The following SMARCD3 variants were observed in gnomAD, a reference collection of about 807,000 sequenced individuals.
SMARCD3 encodes SWI/SNF-related matrix-associated actin-dependent regulator of chromatin subfamily D member 3.
Under a neutral mutation model 58.0 loss-of-function variants are expected in SMARCD3, and 14 were observed. The ratio of observed to expected loss-of-function variants is 0.24; its 90% confidence interval spans 0.16 to 0.38. The LOEUF (loss-of-function observed/expected upper bound fraction) is 0.38, where lower values mean the gene tolerates loss of function less well. Ranked by LOEUF, SMARCD3 falls within the 10% of genes least tolerant of loss-of-function variation. The pLI, the probability that SMARCD3 is intolerant of heterozygous loss-of-function variation, is 1.00. For missense variants in SMARCD3, 408 were observed against 636.9 expected, an observed-to-expected ratio of 0.64 and a Z score of 3.87; for synonymous variants, 253 against 253.8, an observed-to-expected ratio of 1.00 and a Z score of 0.03.
intron 2 of SMARCD3, among the ~76,000 whole-genome samples, chr7:151,270,718 C>T (rs182820232): frequency 1.2e-3 from 187 of 152,256 alleles, no homozygotes; most frequent in African/African-American, 4.1e-3. Context: ...GAGAATGAAG[C>T]CACTAGGAAG....
intron 2 of SMARCD3, among the ~76,000 whole-genome samples, chr7:151,259,399 G>GTC (rs1224586704): frequency 6.9e-6 from 1 of 144,606 alleles, no homozygotes; most frequent in Non-Finnish European, 1.5e-5. Flanking sequence ...GGGGCTGTGT[G>GTC]TGTGTGTGTG....
At chr7:151,260,419 A>T (rs1445508791) in intron 2 of SMARCD3, among the ~76,000 whole-genome samples, 1 of 152,196 alleles carries the variant, frequency 6.6e-6, no homozygotes, top group Admixed American at 6.5e-5. Context: ...TGCTACTACC[A>T]AGGTGTCTGA....
In SMARCD3 at chr7:151,245,213, G is replaced by C. The variant is rs1803195159; in HGVS notation, c.290+247C>G. ...GAGCAGGTGACAAGGAGAAGGGTGA[G>C]GGGAGCGTGCAGGGAAGCGGTACCG... is the stretch of plus-strand genomic sequence containing the variant. On this transcript the variant is annotated intron_variant, in intron 2 of 12. Coordinates refer to ENST00000262188, the MANE Select transcript of SMARCD3 (RefSeq NM_001003801.2). This position sits in a 1 kb window ranked among gnomAD's most constrained non-coding sequence, Gnocchi z 6.2. Among the ~76,000 whole-genome samples, 1 of 131,482 alleles carries C rather than the reference G, an allele frequency of 7.6e-6. No individual in the cohort carries two copies. The highest frequency in any genetic ancestry group is 2.2e-4 in the East Asian group (1 of 4,450). 86.3% of individuals were successfully genotyped at this position (131,482 alleles called of 152,430 possible). A position where few individuals can be genotyped will look rare whatever the true frequency, so the allele number is the denominator to read the frequency against.
chr7:151,272,030 G>A (rs915334479), intron 2 of SMARCD3, among the ~76,000 whole-genome samples: 1 of 152,294 alleles, frequency 6.6e-6, no homozygotes, highest in Middle Eastern at 3.4e-3. Flanking sequence ...TTTTAAGTTT[G>A]GGTTAAGCAA....
At chr7:151,262,472 A>C (rs938793199) in intron 2 of SMARCD3, among the ~76,000 whole-genome samples, 1 of 152,216 alleles carries the variant, frequency 6.6e-6, no homozygotes, top group Non-Finnish European at 1.5e-5. Context: ...CATCCAAAGA[A>C]AAGTAGGGCC....
rs1803115496 is a variant in SMARCD3, at chr7:151,243,679, C to A, written c.313G>T (p.Asp105Tyr). 3 of 1,611,036 alleles carry A rather than the reference C, an allele frequency of 1.9e-6. No individual in the cohort carries two copies. The highest frequency in any genetic ancestry group is 2.5e-6 in the Non-Finnish European group (3 of 1,177,332). Residue 105 changes from aspartate to tyrosine, a missense_variant, in exon 3 of 13, where the codon GAC becomes TAC. Asp to Tyr is a radical substitution (Grantham distance 160, BLOSUM62 -3). Around this residue, in one of 4 missense-constraint regions of SMARCD3, gnomAD observed 128 missense variants for 188.8 expected, o/e 0.68. Transcript: ENST00000262188. The surrounding 1 kb of genome is among the most constrained non-coding windows in gnomAD (Gnocchi z 4.4). Reference protein sequence around the residue: ...SRSAKRRKMADKILPQRIREL... With the variant: ...SRSAKRRKMAYKILPQRIREL... Reference sequence around the variant, plus strand: ...CTCACCCTTTGAGGGAGGATTTTGTCAGCCATCTTCCTCCTCTTGGCACTG... The same window carrying A: ...CTCACCCTTTGAGGGAGGATTTTGTAAGCCATCTTCCTCCTCTTGGCACTG...
upstream of SMARCD3, among the ~76,000 whole-genome samples, chr7:151,250,112 G>C (rs981559651): frequency 6.6e-6 from 1 of 152,072 alleles, no homozygotes; most frequent in Middle Eastern, 3.2e-3. Context: ...AAACCCTTCA[G>C]AATGCCTTTG....
At position 151,241,419 on chromosome 7, in the gene SMARCD3, C is replaced by T. The variant is rs1422217101; in HGVS notation, c.939+73G>A. Reference sequence around the variant, plus strand: ...TCTAGAAGGGAGGGGTGGTAGTTACCTTGGTAGAGGTACTTCCCCTGCTGG... The same window carrying T: ...TCTAGAAGGGAGGGGTGGTAGTTACTTTGGTAGAGGTACTTCCCCTGCTGG... On this transcript the variant is annotated intron_variant, in intron 8 of 12. Coordinates refer to ENST00000262188, the MANE Select transcript of SMARCD3 (RefSeq NM_001003801.2). This position sits in a 1 kb window ranked among gnomAD's most constrained non-coding sequence, Gnocchi z 5.3. 1 of 1,330,612 alleles carries T rather than the reference C, an allele frequency of 7.5e-7. No individual in the cohort carries two copies. The highest frequency in any genetic ancestry group is 1.1e-6 in the Non-Finnish European group (1 of 939,512). 82.4% of individuals were successfully genotyped at this position (1,330,612 alleles called of 1,614,324 possible).
At chr7:151,252,636 T>C (rs895255230), upstream of SMARCD3, among the ~76,000 whole-genome samples, 17 of 152,104 alleles carry the variant, frequency 1.1e-4, no homozygotes, top group African/African-American at 3.9e-4. Context: ...GGGGGACCTC[T>C]GGCTAGTCCT....
At chr7:151,251,272 T>C (rs534645587), upstream of SMARCD3, among the ~76,000 whole-genome samples, 4 of 152,060 alleles carry the variant, frequency 2.6e-5, no homozygotes, top group Admixed American at 2.0e-4. Context: ...GAGACATCCT[T>C]AAGTGTACAC....
At chr7:151,275,013 G>T in intron 2 of SMARCD3, 2 of 943,384 alleles carry the variant, frequency 2.1e-6, no homozygotes, top group African/African-American at 1.6e-5. Context: ...CAGAAATGCC[G>T]GGAGGGGGCC....
At chr7:151,248,749 G>A, upstream of SMARCD3, 1 of 1,116,396 alleles carries the variant, frequency 9.0e-7, no homozygotes, top group Non-Finnish European at 1.1e-6. This position sits in a 1 kb window ranked among gnomAD's most constrained non-coding sequence, Gnocchi z 6.1. Flanking sequence ...CGCCGCCGCC[G>A]CCCGCCCGCC....
At chr7:151,270,131 A>G (rs1470816502) in intron 2 of SMARCD3, among the ~76,000 whole-genome samples, 2 of 151,890 alleles carry the variant, frequency 1.3e-5, no homozygotes, top group Non-Finnish European at 2.9e-5. Context: ...TCTCCCTGCA[A>G]CTCCAAAAGG....
At chr7:151,247,949 C>G (rs920056939) in intron 1 of SMARCD3, among the ~76,000 whole-genome samples, 17 of 152,184 alleles carry the variant, frequency 1.1e-4, no homozygotes, top group Non-Finnish European at 2.9e-5. Context: ...TCTCCCCCAC[C>G]CTAAGGCAGA....
Position 151,265,442 on chromosome 7 carries a change from C to A in SMARCD3, c.39+9672G>T, listed in dbSNP as rs559570718. 3.3e-5 allele frequency among the ~76,000 whole-genome samples: 5 copies of A among 152,308 alleles called. No individual in the cohort carries two copies. The South Asian group carries it at 1.0e-3, about 32-fold the overall frequency. On this transcript the variant is annotated intron_variant, in intron 2 of 13. Transcript: ENST00000356800. ...GACTTCCAGCCTCCGACACTGGGAC[C>A]AGGAATCTCTGTTGTTTAAGCTGCC...
chr7:151,240,103 G>A lies in SMARCD3; in HGVS notation c.1173+9C>T, dbSNP rs1284490280. 1.9e-6 allele frequency: 3 copies of A among 1,613,746 alleles called. No individual in the cohort carries two copies. Among genetic ancestry groups the A allele is most frequent in the Non-Finnish European group, 2.5e-6 (3 of 1,179,946 alleles). ...AATGTCCCACTCCAGCTCTGGGCTTGGGCCCCACCTTACTGTCCAGAGCAC... is the reference window on the plus strand; with the variant it reads ...AATGTCCCACTCCAGCTCTGGGCTTAGGCCCCACCTTACTGTCCAGAGCAC... On this transcript the variant is annotated intron_variant, in intron 10 of 12. Coordinates refer to ENST00000262188, the MANE Select transcript of SMARCD3 (RefSeq NM_001003801.2).
In SMARCD3 at chr7:151,268,470, G is replaced by A. The variant is rs377316167; in HGVS notation, c.39+6644C>T. Among the ~76,000 whole-genome samples the A allele has an allele frequency of 1.0e-3, 152 of 152,290 alleles. 3 individuals carry two copies. The South Asian group carries it at 0.031, about 31-fold the overall frequency. ...GAGTGGAACAGGCTGTGTGTGAGAT[G>A]ATAAATGGCCTTTGACCTTGAGCCT... On this transcript the variant is annotated intron_variant, in intron 2 of 13. Coordinates refer to the SMARCD3 transcript ENST00000356800.
In SMARCD3 at chr7:151,266,886, A is replaced by C. The variant is rs569105081; in HGVS notation, c.39+8228T>G. 2.0e-5 allele frequency among the ~76,000 whole-genome samples: 3 copies of C among 152,152 alleles called. No homozygotes were observed. In the South Asian group the frequency reaches 6.2e-4, roughly 32 times the overall value. Reference sequence around the variant, plus strand: ...GCCACCATGTCTGGCTAACTGTTAAAATTTTTTGTAGAAATGGGGTGTTGC... The same window carrying C: ...GCCACCATGTCTGGCTAACTGTTAACATTTTTTGTAGAAATGGGGTGTTGC... On this transcript the variant is annotated intron_variant, in intron 2 of 13. Transcript: ENST00000356800.
chr7:151,274,691 T>C (rs1015725632), intron 2 of SMARCD3, among the ~76,000 whole-genome samples: 1 of 152,222 alleles, frequency 6.6e-6, no homozygotes, highest in Non-Finnish European at 1.5e-5. Flanking sequence ...TGTGAGCATG[T>C]GCACGTATGT....
Sources: gnomAD v4.1 joint callset for allele counts (sites outside exome capture counted in the v4.1 genomes callset) on GRCh38, gnomAD v4.1.1 for gene constraint, gnomAD v4.1.1 regional missense constraint, Gnocchi (gnomAD v3.1) non-coding constraint, MANE v1.5 for transcripts, NCBI Gene and HGNC (gene_info 2026-07-23, HGNC 2026-07-21) for gene names.